SLTM: variants seen among roughly 807,000 people sequenced by gnomAD.
SLTM encodes SAFB like transcription modulator.
A neutral mutation model predicts 134.6 loss-of-function variants in SLTM; 43 were observed. That is an observed-to-expected ratio of 0.32 (90% CI 0.25 to 0.41). The LOEUF (loss-of-function observed/expected upper bound fraction) is 0.41. Ranked by LOEUF, SLTM falls within the 10% of genes least tolerant of loss-of-function variation. SLTM has a pLI of 1.00. For synonymous variants in SLTM, 424 were observed against 432.3 expected (o/e 0.98, Z 0.24); for missense variants, 1,055 against 1,288.8 (o/e 0.82, Z 2.78).
At chr15:58,930,342 C>T (rs2141254455) in intron 2 of SLTM, among the ~76,000 whole-genome samples, 1 of 146,366 alleles carries the variant, frequency 6.8e-6, no homozygotes, top group South Asian at 2.2e-4. Flanking sequence ...GTTGGCCAGG[C>T]TGCTCTCGAA....
rs369605147 is a variant in SLTM at position 58,916,175 on chromosome 15, TCTC to T, written c.315+757_315+759del. 7.3e-3 allele frequency among the ~76,000 whole-genome samples: 658 copies of T among 90,282 alleles called. 3 individuals carry two copies. Among genetic ancestry groups the T allele is most frequent in the African/African-American group, 0.016 (549 of 33,782 alleles). The allele number at this position is 90,282 out of a possible 152,430, so 59.2% of individuals were successfully genotyped here. ...AATTTCTTAATTTGATCTCTCTCTCTCTCTTTTTTTTTTTTTTTGAGACGGAGT... is the reference window on the plus strand; with the variant it reads ...AATTTCTTAATTTGATCTCTCTCTCTTTTTTTTTTTTTTTTGAGACGGAGT... On this transcript the variant is annotated intron_variant, in intron 3 of 20. Coordinates refer to ENST00000380516, the MANE Select transcript of SLTM (RefSeq NM_024755.4).
chr15:58,883,802 A>G lies in SLTM; in HGVS notation c.2836-16T>C, dbSNP rs2033943488. ...CAGGATAGTGCTAAAAGAATAGCAT[A>G]TGAAAAGTCACTTGGCCGGGCGCAG... On this transcript the variant is annotated splice_polypyrimidine_tract_variant and intron_variant, in intron 19 of 20. Coordinates refer to ENST00000380516, the MANE Select transcript of SLTM (RefSeq NM_024755.4). 1.2e-6 allele frequency: 2 copies of G among 1,611,988 alleles called. No individual in the cohort carries two copies. The highest frequency in any genetic ancestry group is 8.5e-7 in the Non-Finnish European group (1 of 1,178,316).
chr15:58,911,273 A>G (rs1328052115), intron 5 of SLTM, among the ~76,000 whole-genome samples: 1 of 152,194 alleles, frequency 6.6e-6, no homozygotes, highest in East Asian at 1.9e-4. Context: ...GTGTTGCAGA[A>G]AAGAAAGCAT....
intron 2 of SLTM, among the ~76,000 whole-genome samples, chr15:58,928,762 T>C (rs2037658579): frequency 6.6e-6 from 1 of 152,224 alleles, no homozygotes; most frequent in Admixed American, 6.5e-5. Flanking sequence ...ACCTTAATAT[T>C]GTCATAAGAA....
At chr15:58,903,121 C>T (rs1311704536) in intron 5 of SLTM, among the ~76,000 whole-genome samples, 1 of 151,806 alleles carries the variant, frequency 6.6e-6, no homozygotes, top group Non-Finnish European at 1.5e-5. Flanking sequence ...AAGACAGTCT[C>T]GATCTCCTGA....
intron 5 of SLTM, among the ~76,000 whole-genome samples, chr15:58,907,997 T>C (rs1215096901): frequency 1.4e-5 from 1 of 72,456 alleles, no homozygotes; most frequent in Non-Finnish European, 2.6e-5. Context: ...TATATAAACA[T>C]GCTGCGTGTG....
chr15:58,894,713 T>TTC (rs1555447379), intron 9 of SLTM, 131 bp from the exon 10 acceptor site: 4 of 948,836 alleles, frequency 4.2e-6, no homozygotes, highest in Non-Finnish European at 6.2e-6. Context: ...ATGTTTTTTT[T>TTC]TTTTTTTTTG....
At chr15:58,922,152 G>T (rs1265555855) in intron 2 of SLTM, among the ~76,000 whole-genome samples, 1 of 151,674 alleles carries the variant, frequency 6.6e-6, no homozygotes, top group East Asian at 1.9e-4. Context: ...GAGGTGGGTG[G>T]ACCACTTGAG....
rs2036426421 is a variant in SLTM, at chr15:58,913,534, T to C, written c.478A>G (p.Ile160Val). The change falls in exon 4 of 21, where the codon ATA becomes GTA. Residue 160 changes from isoleucine to valine, a missense_variant. This residue lies in a region of SLTM where 268 missense variants were observed against 284.3 expected (regional missense o/e 0.94). Coordinates refer to ENST00000380516, the MANE Select transcript of SLTM (RefSeq NM_024755.4). ...ATGTCCTCTTTTTCTATATCTTCTA[T>C]TCCTTCTGCCTCTATTAATTCATGA... The part of the protein sequence containing the change: ...RAHELIEAEG[I>V]EDIEKEDIES... 2.5e-6 allele frequency: 4 copies of C among 1,612,588 alleles called. No homozygotes were observed. Among genetic ancestry groups the C allele is most frequent in the Admixed American group, 3.3e-5 (2 of 59,990 alleles).
intron 16 of SLTM, 88 bp from the exon 17 acceptor site, chr15:58,888,643 G>C: frequency 7.7e-7 from 1 of 1,296,774 alleles, no homozygotes; most frequent in Non-Finnish European, 1.1e-6. Context: ...CCACATGTTA[G>C]AACTGTGGAC....
intron 18 of SLTM, 41 bp downstream of exon 18, chr15:58,887,185 G>GC: frequency 6.2e-7 from 1 of 1,611,894 alleles, no homozygotes; most frequent in Non-Finnish European, 8.5e-7. Flanking sequence ...TAACCCCAAT[G>GC]CATGAGACCA....
intron 3 of SLTM, among the ~76,000 whole-genome samples, chr15:58,916,164 ATC>A (rs1207894296): frequency 7.7e-5 from 11 of 142,408 alleles, no homozygotes; most frequent in African/African-American, 2.5e-4. Context: ...TCTTAATTTG[ATC>A]TCTCTCTCTC....
At position 58,899,407 on chromosome 15, in the gene SLTM, T is replaced by C. The variant is rs759289355; in HGVS notation, c.1058+62A>G. On this transcript the variant is annotated intron_variant, in intron 7 of 20. Transcript: ENST00000380516. The surrounding 1 kb of genome is among the most constrained non-coding windows in gnomAD (Gnocchi z 5.0). The stretch of plus-strand genomic sequence containing the variant: ...TGTTCTTGAAGCCACCCCCTTAATG[T>C]AGAGTGATCTTATTGAATGCTGGAA... 3.0e-6 allele frequency: 4 copies of C among 1,342,724 alleles called. No individual in the cohort carries two copies. The highest frequency in any genetic ancestry group is 3.2e-6 in the Non-Finnish European group (3 of 942,304). 83.2% of individuals were successfully genotyped at this position (1,342,724 alleles called of 1,614,324 possible). A position where few individuals can be genotyped will look rare whatever the true frequency, so the allele number is the denominator to read the frequency against.
At chr15:58,933,321 C>G (rs1595971205) in intron 1 of SLTM, 83 bp downstream of exon 1, 1 of 1,440,818 alleles carries the variant, frequency 6.9e-7, no homozygotes, top group Non-Finnish European at 9.2e-7. Flanking sequence ...CTGCGGGCAG[C>G]CGGAGGCTGC....
intron 17 of SLTM, 114 bp from the exon 18 acceptor site, chr15:58,887,654 C>G: frequency 6.8e-7 from 1 of 1,472,600 alleles, no homozygotes. Context: ...GAACTTAAGG[C>G]AAAGCCATGG....
intron 5 of SLTM, among the ~76,000 whole-genome samples, chr15:58,904,299 C>G (rs1047969179): frequency 2.6e-5 from 4 of 152,118 alleles, no homozygotes; most frequent in African/African-American, 9.7e-5. Context: ...GCATGAGCTG[C>G]CACGCCCGGC....
In SLTM at chr15:58,933,455, C is replaced by T; in HGVS notation, c.111G>A (p.Arg37=). ...VIDLKSELKR[R]NLDITGVKTV... The stretch of plus-strand genomic sequence containing the variant: ...TCTTGACTCCGGTGATGTCTAAGTT[C>T]CGCCGCTTCAGCTCGGACTTCAGAT... The change falls in exon 1 of 21, where the codon CGG becomes CGA. Residue 37 remains arginine, a synonymous_variant. Transcript: ENST00000380516. 3.1e-6 allele frequency: 5 copies of T among 1,595,240 alleles called. No individual in the cohort carries two copies. The highest frequency in any genetic ancestry group is 4.3e-6 in the Non-Finnish European group (5 of 1,171,636).
At chr15:58,883,581 A>G (rs189568961) in intron 20 of SLTM, 45 bp downstream of exon 20, 13 of 1,608,386 alleles carry the variant, frequency 8.1e-6, no homozygotes, top group Admixed American at 5.0e-5. Context: ...TGGAAAGGAT[A>G]AAGTGTTGGT....
intron 3 of SLTM, among the ~76,000 whole-genome samples, chr15:58,915,742 G>C (rs1217059685): frequency 6.6e-6 from 1 of 152,018 alleles, no homozygotes; most frequent in African/African-American, 2.4e-5. Flanking sequence ...AGAGTGAAGA[G>C]AGCTAGGAGG....
Sources: gnomAD v4.1 joint callset for allele counts (sites outside exome capture counted in the v4.1 genomes callset) on GRCh38, gnomAD v4.1.1 for gene constraint, gnomAD v4.1.1 regional missense constraint, Gnocchi (gnomAD v3.1) non-coding constraint, MANE v1.5 for transcripts, NCBI Gene and HGNC (gene_info 2026-07-23, HGNC 2026-07-21) for gene names.